The following SUFU variants were observed in gnomAD, a reference collection of about 807,000 sequenced individuals.
SUFU encodes the protein SUFU negative regulator of hedgehog signaling, also known as suppressor of fused homolog.
SUFU carries 7 observed loss-of-function variants against 58.9 expected under a neutral mutation model. That is an observed-to-expected ratio of 0.12 (90% CI 0.07 to 0.22). The LOEUF is 0.22. SUFU is among the 10% of genes least tolerant of loss of function. The pLI is 1.00. For missense variants in SUFU, 451 were observed against 641.3 expected, an observed-to-expected ratio of 0.70 and a Z score of 3.20; for synonymous variants, 232 against 254.8, an observed-to-expected ratio of 0.91 and a Z score of 0.85.
rs2063854222 is a variant in SUFU, at chr10:102,633,418, T to G, written c.*3263T>G. 2 of 232,696 alleles carry G rather than the reference T, an allele frequency of 8.6e-6. No homozygotes were observed. The highest frequency in any genetic ancestry group is 2.2e-5 in the African/African-American group (1 of 45,302). The allele number at this position is 232,696 out of a possible 1,614,324, so 14.4% of individuals were successfully genotyped here. A position where few individuals can be genotyped will look rare whatever the true frequency, so the allele number is the denominator to read the frequency against. On this transcript the variant is annotated 3_prime_UTR_variant, in exon 12 of 12. Transcript: ENST00000369902. The stretch of plus-strand genomic sequence containing the variant: ...TCGTTTCCTTCTTGCCCCCTCTTCC[T>G]CTCTGTAATCTAAGTGCATTAAACA...
chr10:102,515,083 C>G (rs904225968), intron 2 of SUFU, among the ~76,000 whole-genome samples: 1 of 152,158 alleles, frequency 6.6e-6, no homozygotes, highest in Non-Finnish European at 1.5e-5. Flanking sequence ...AGTTCTGCAC[C>G]CCCCGTGGGG....
intron 10 of SUFU, among the ~76,000 whole-genome samples, chr10:102,626,739 TTCCTTTTG>T (rs564689849): frequency 6.6e-6 from 1 of 152,158 alleles, no homozygotes; most frequent in Non-Finnish European, 1.5e-5. Flanking sequence ...TCCAAACAGT[TTCCTTTTG>T]TCCTTCTACG....
At chr10:102,597,072 G>A in intron 6 of SUFU, 68 bp from the exon 7 acceptor site, 3 of 1,588,894 alleles carry the variant, frequency 1.9e-6, no homozygotes, top group Non-Finnish European at 2.6e-6. Flanking sequence ...AGCAGTGGCT[G>A]AAAGGGTGGT....
At chr10:102,577,039 GGAA>G (rs2063218541) in intron 3 of SUFU, among the ~76,000 whole-genome samples, 1 of 151,786 alleles carries the variant, frequency 6.6e-6, no homozygotes, top group Non-Finnish European at 1.5e-5. Flanking sequence ...GGTCTCTTCA[GGAA>G]GAAGATGGGA....
rs1260428662 is a variant in SUFU, at chr10:102,632,952, G to A, written c.*2797G>A. ...GGGGAGCTGGTGCCTCTTCCTGCCC[G>A]TATCTTTCTCTTCCAAGGGCAGTGC... On this transcript the variant is annotated 3_prime_UTR_variant, in exon 12 of 12. Coordinates refer to ENST00000369902, the MANE Select transcript of SUFU (RefSeq NM_016169.4). The A allele has an allele frequency of 1.7e-5, 4 of 233,416 alleles. No individual in the cohort carries two copies. Among genetic ancestry groups the A allele is most frequent in the African/African-American group, 4.4e-5 (2 of 45,458 alleles). The allele number at this position is 233,416 out of a possible 1,614,324, so 14.5% of individuals were successfully genotyped here. A position where few individuals can be genotyped will look rare whatever the true frequency, so the allele number is the denominator to read the frequency against.
chr10:102,533,214 A>G (rs1461111084), intron 2 of SUFU, among the ~76,000 whole-genome samples: 4 of 152,178 alleles, frequency 2.6e-5, no homozygotes, highest in Admixed American at 6.6e-5. Flanking sequence ...TCTTGGAACA[A>G]TATACACTTA....
At position 102,631,524 on chromosome 10, in the gene SUFU, G is replaced by A. The variant is rs1590096385; in HGVS notation, c.*1369G>A. 3 of 233,532 alleles carry A rather than the reference G, an allele frequency of 1.3e-5. No homozygotes were observed. The East Asian group carries it at 1.8e-4, about 14-fold the overall frequency. The allele number at this position is 233,532 out of a possible 1,614,324, so 14.5% of individuals were successfully genotyped here. On this transcript the variant is annotated 3_prime_UTR_variant, in exon 12 of 12. Transcript: ENST00000369902. ...TACCCCCAACTCTAGGGATGGGACT[G>A]TTACAATACTTCAAGATCACTCTTT...
chr10:102,519,018 G>C (rs2062510897), intron 2 of SUFU, among the ~76,000 whole-genome samples: 1 of 151,726 alleles, frequency 6.6e-6, no homozygotes, highest in Admixed American at 6.6e-5. Context: ...GCAGGCGCCT[G>C]TAGTCCCAGC....
At chr10:102,604,548 C>T (rs771209130) in intron 8 of SUFU, among the ~76,000 whole-genome samples, 1 of 152,140 alleles carries the variant, frequency 6.6e-6, no homozygotes, top group East Asian at 1.9e-4. Context: ...GTATTTTTAT[C>T]GCCCATCCTT....
At chr10:102,581,513 G>A (rs751037689) in intron 3 of SUFU, among the ~76,000 whole-genome samples, 1 of 152,190 alleles carries the variant, frequency 6.6e-6, no homozygotes, top group Non-Finnish European at 1.5e-5. Context: ...GACTTGAGAA[G>A]GAGCTGTCTT....
intron 11 of SUFU, among the ~76,000 whole-genome samples, chr10:102,627,758 C>T (rs1246954431): frequency 6.6e-6 from 1 of 152,228 alleles, no homozygotes; most frequent in African/African-American, 2.4e-5. Context: ...TCTCCCTCTT[C>T]CAGCCCTGGC....
chr10:102,583,863 C>A (rs1275562468), intron 3 of SUFU, among the ~76,000 whole-genome samples: 2 of 152,130 alleles, frequency 1.3e-5, no homozygotes, highest in African/African-American at 2.4e-5. Context: ...CCCCTCTCCC[C>A]ACCCCACAAC....
At chr10:102,606,123 T>C (rs2135906146) in intron 8 of SUFU, among the ~76,000 whole-genome samples, 1 of 152,284 alleles carries the variant, frequency 6.6e-6, no homozygotes, top group Admixed American at 6.5e-5. Context: ...CTGTTATGTG[T>C]AGGTAGGGTG....
rs1198188178 is a variant in SUFU, at chr10:102,628,710, T to G, written c.1366-1356T>G. Among the ~76,000 whole-genome samples the G allele has an allele frequency of 6.6e-6, 1 of 152,204 alleles. No individual in the cohort carries two copies. Among genetic ancestry groups the G allele is most frequent in the African/African-American group, 2.4e-5 (1 of 41,458 alleles). On this transcript the variant is annotated intron_variant, in intron 11 of 11. Transcript: ENST00000369902. The surrounding 1 kb of genome is among the most constrained non-coding windows in gnomAD (Gnocchi z 4.5). ...CCTGCCTCACTCGCCACTTTGGTCC[T>G]GGCAGAGACAGTCCCCCAGCAGAGG...
chr10:102,542,422 C>T (rs1329004494), intron 2 of SUFU, among the ~76,000 whole-genome samples: 1 of 141,748 alleles, frequency 7.1e-6, no homozygotes, highest in African/African-American at 2.6e-5. Flanking sequence ...TGAGCCACTG[C>T]GCCCGGCCTA....
intron 9 of SUFU, among the ~76,000 whole-genome samples, chr10:102,616,304 A>G (rs1590083278): frequency 1.3e-5 from 2 of 152,364 alleles, no homozygotes; most frequent in East Asian, 3.9e-4. Context: ...CACTTTGAGC[A>G]GCAGAGTCAC....
At chr10:102,503,146 A>G (rs868361560), upstream of SUFU, among the ~76,000 whole-genome samples, 1 of 152,222 alleles carries the variant, frequency 6.6e-6, no homozygotes, top group South Asian at 2.1e-4. Context: ...ACTTTAATAA[A>G]CATCTCCTAG....
intron 10 of SUFU, among the ~76,000 whole-genome samples, chr10:102,622,210 C>T (rs2063745382): frequency 6.6e-6 from 1 of 152,226 alleles, no homozygotes; most frequent in African/African-American, 2.4e-5. Flanking sequence ...CAGCCACCAA[C>T]TCACCCCTGT....
chr10:102,572,264 A>G, intron 3 of SUFU, among the ~76,000 whole-genome samples: 1 of 136,056 alleles, frequency 7.3e-6, no homozygotes, highest in African/African-American at 2.8e-5. Flanking sequence ...TTAGTAGAGG[A>G]CGGGTTTCAT....
Sources: allele counts gnomAD v4.1 joint callset (sites outside exome capture counted in the v4.1 genomes callset), GRCh38; gene constraint gnomAD v4.1.1; non-coding constraint Gnocchi (gnomAD v3.1); transcripts MANE v1.5; gene names NCBI Gene and HGNC (gene_info 2026-07-23, HGNC 2026-07-21).